PIEZO1: variants seen among roughly 807,000 people sequenced by gnomAD.
PIEZO1 encodes the protein piezo-type mechanosensitive ion channel component 1.
In PIEZO1, 296 loss-of-function variants were observed where a neutral mutation model predicts 297.2. That is an observed-to-expected ratio of 1.00 (90% CI 0.91 to 1.10). The LOEUF is 1.10. PIEZO1 is among the 50% of genes least tolerant of loss of function. PIEZO1 has a pLI of 0.00. For missense variants in PIEZO1, 5,018 were observed against 3,455.5 expected (o/e 1.45, Z -11.34); for synonymous variants, 2,427 against 1,507.5 (o/e 1.61, Z -14.13).
intron 1 of PIEZO1, among the ~76,000 whole-genome samples, chr16:88,765,043 G>A (rs1907108886): frequency 6.6e-6 from 1 of 152,232 alleles, no homozygotes; most frequent in Non-Finnish European, 1.5e-5. Flanking sequence ...CCTCAGCGGT[G>A]CTGGACCCAG....
Position 88,716,266 on chromosome 16 carries a change from T to C in PIEZO1, c.7061A>G (p.Asn2354Ser), listed in dbSNP as rs1432534726. ...GGCACGGATGTACTTGGGGAAGAGA[T>C]TAGGGATGACCCTGCAGGGAGGTGC... ...GTSDQSVVIP[N>S]LFPKYIRAPN... Residue 2354 changes from asparagine (N) to serine (S), a missense_variant, in exon 49 of 51, where the codon AAT becomes AGT. By Grantham distance (46) the Asn-to-Ser change is conservative. Transcript: ENST00000301015. The C allele has an allele frequency of 2.2e-5, 33 of 1,492,170 alleles. No individual in the cohort carries two copies. The highest frequency in any genetic ancestry group is 1.8e-4 in the Middle Eastern group (1 of 5,700). 92.4% of individuals were successfully genotyped at this position (1,492,170 alleles called of 1,614,324 possible).
intron 21 of PIEZO1, 42 bp from the exon 22 acceptor site, chr16:88,731,952 T>TGG (rs746719928): frequency 6.5e-6 from 2 of 308,636 alleles, no homozygotes; most frequent in African/African-American, 2.3e-5. Flanking sequence ...GCACTGAGTC[T>TGG]GGGGGGAGGG....
Position 88,738,575 on chromosome 16 carries a change from T to A in PIEZO1, c.627A>T (p.Ala209=), listed in dbSNP as rs140142474. ...AGRVLAVTLL[A]LAGIAHPSAL... Reference sequence around the variant, plus strand: ...CCCTGCCTCGGTGCGTACCTGCCAGTGCAAGCAGTGTTACGGCCAGGACCC... The same window carrying A: ...CCCTGCCTCGGTGCGTACCTGCCAGAGCAAGCAGTGTTACGGCCAGGACCC... Residue 209 remains alanine, a synonymous_variant, in exon 6 of 51, where the codon GCA becomes GCT. Transcript: ENST00000301015. 1.3e-6 allele frequency: 2 copies of A among 1,535,128 alleles called. No homozygotes were observed. Among genetic ancestry groups the A allele is most frequent in the Admixed American group, 3.9e-5 (2 of 50,976 alleles).
chr16:88,759,165 C>T (rs1398503103), intron 1 of PIEZO1, among the ~76,000 whole-genome samples: 1 of 152,258 alleles, frequency 6.6e-6, no homozygotes, highest in East Asian at 1.9e-4. Flanking sequence ...GTCCAACCTT[C>T]CTCTCATCAA....
chr16:88,720,032 G>T, intron 42 of PIEZO1, 37 bp downstream of exon 42: 1 of 1,549,032 alleles, frequency 6.5e-7, no homozygotes, highest in Non-Finnish European at 8.7e-7. Context: ...GCACTGCCCC[G>T]CCCCTGGAGA....
intron 21 of PIEZO1, 47 bp from the exon 22 acceptor site, chr16:88,731,957 G>GAGGGCGGGGTGT (rs151293846): frequency 1.3e-4 from 13 of 98,632 alleles, no homozygotes; most frequent in African/African-American, 1.8e-4. Context: ...GAGTCTGGGG[G>GAGGGCGGGGTGT]GAGGGACTTT....
At position 88,731,749 on chromosome 16, in the gene PIEZO1, G is replaced by C. The variant is rs1434132113; in HGVS notation, c.3153C>G (p.Tyr1051Ter). Residue 1051 changes from tyrosine (Y) to a stop codon, truncating the protein, a stop_gained, in exon 22 of 51, where the codon TAC (tyrosine) becomes TAG (stop). Coordinates refer to ENST00000301015, the MANE Select transcript of PIEZO1 (RefSeq NM_001142864.4). LOFTEE classifies it high-confidence loss of function. Reference sequence around the variant, plus strand: ...GCATCCCCAGGCACAGCAGGTACTGGTACAGCAGGAACAGCGCCAGGAAGA... The same window carrying C: ...GCATCCCCAGGCACAGCAGGTACTGCTACAGCAGGAACAGCGCCAGGAAGA... ...YCLFLALFLL[Y>*]QYLLCLGMPP... The C allele has an allele frequency of 6.5e-7, 1 of 1,549,706 alleles. No individual in the cohort carries two copies. The highest frequency in any genetic ancestry group is 8.7e-7 in the Non-Finnish European group (1 of 1,146,826).
At chr16:88,779,229 G>A (rs1023610223) in intron 1 of PIEZO1, among the ~76,000 whole-genome samples, 4 of 152,044 alleles carry the variant, frequency 2.6e-5, no homozygotes, top group Non-Finnish European at 5.9e-5. Context: ...AGCTGAGATG[G>A]AGTTTTGCCA....
intron 2 of PIEZO1, chr16:88,743,313 G>A (rs747633758): frequency 1.5e-5 from 7 of 455,956 alleles, no homozygotes; most frequent in South Asian, 6.2e-5. Context: ...TTGACCCACC[G>A]GGTTCTGAGT....
chr16:88,774,692 G>T (rs188577377), intron 1 of PIEZO1, among the ~76,000 whole-genome samples: 2 of 152,340 alleles, frequency 1.3e-5, no homozygotes, highest in East Asian at 3.9e-4. Context: ...TGGGGCCCAA[G>T]GGCAAAGAGA....
rs1357195620 is a variant in PIEZO1, at chr16:88,734,421, G to A, written c.2115C>T (p.Phe705=). The A allele has an allele frequency of 6.5e-7, 1 of 1,549,922 alleles. No individual in the cohort carries two copies. The highest frequency in any genetic ancestry group is 8.7e-7 in the Non-Finnish European group (1 of 1,146,676). The change falls in exon 16 of 51, where the codon TTC becomes TTT. Residue 705 remains phenylalanine (F), a synonymous_variant. Coordinates refer to ENST00000301015, the MANE Select transcript of PIEZO1 (RefSeq NM_001142864.4). ...CGTGCTCCATGTCGGTGAGCTGCAT[G>A]AAGGGCCTGTGGAAGTAGTGCAGCT... ...ILQLHYFHRP[F]MQLTDMEHVS...
chr16:88,725,409 C>T lies in PIEZO1; in HGVS notation c.4162+7G>A, dbSNP rs1238307987. 4.9e-6 allele frequency: 7 copies of T among 1,428,694 alleles called. No individual in the cohort carries two copies. Among genetic ancestry groups the T allele is most frequent in the Non-Finnish European group, 5.5e-6 (6 of 1,083,494 alleles). 88.5% of individuals were successfully genotyped at this position (1,428,694 alleles called of 1,614,324 possible). A position where few individuals can be genotyped will look rare whatever the true frequency, so the allele number is the denominator to read the frequency against. ...GGCCCTGGGTGCCCGACTCCAGCTG[C>T]ACTCACCTGGCTCCAGGCCGGGGTC... On this transcript the variant is annotated splice_region_variant and intron_variant, in intron 29 of 50. Coordinates refer to ENST00000301015, the MANE Select transcript of PIEZO1 (RefSeq NM_001142864.4).
intron 8 of PIEZO1, 34 bp downstream of exon 8, chr16:88,737,900 C>A (rs1315395572): frequency 1.5e-5 from 23 of 1,531,640 alleles, no homozygotes; most frequent in Non-Finnish European, 2.0e-5. Flanking sequence ...ATGGCCTGGC[C>A]TCAGCCCACC....
chr16:88,731,384 G>C (rs78752125), intron 22 of PIEZO1: 1 of 335,050 alleles, frequency 3.0e-6, no homozygotes, highest in Non-Finnish European at 5.6e-6. Flanking sequence ...GAGGCATCAC[G>C]GCCGACCCGC....
intron 18 of PIEZO1, 54 bp downstream of exon 18, chr16:88,733,534 C>T (rs1323327453): frequency 6.6e-7 from 1 of 1,526,260 alleles, no homozygotes; most frequent in Non-Finnish European, 8.8e-7. Context: ...GCCAGCTGGG[C>T]AGGCCAGAGC....
At chr16:88,732,290 G>GT (rs1904906133) in intron 21 of PIEZO1, 45 bp downstream of exon 21, 2 of 1,504,776 alleles carry the variant, frequency 1.3e-6, no homozygotes, top group Non-Finnish European at 1.8e-6. Flanking sequence ...CCTCCCTCCC[G>GT]AAGGCCAAGC....
chr16:88,753,872 C>T (rs945880255), intron 1 of PIEZO1, among the ~76,000 whole-genome samples: 3 of 152,174 alleles, frequency 2.0e-5, no homozygotes, highest in Non-Finnish European at 4.4e-5. Flanking sequence ...TCGGAAGCTT[C>T]GCAGATCAGG....
intron 1 of PIEZO1, among the ~76,000 whole-genome samples, chr16:88,781,942 G>A (rs966837941): frequency 6.6e-6 from 1 of 152,114 alleles, no homozygotes; most frequent in African/African-American, 2.4e-5. Flanking sequence ...GCTGTGCCAC[G>A]AGGCACCCTG....
chr16:88,721,496 G>A lies in PIEZO1; in HGVS notation c.5403+42C>T, dbSNP rs1181097623. 1.9e-6 allele frequency: 3 copies of A among 1,539,526 alleles called. No individual in the cohort carries two copies. In the Admixed American group the frequency reaches 6.0e-5, roughly 31 times the overall value. On this transcript the variant is annotated intron_variant, in intron 38 of 50. Transcript: ENST00000301015. ...TGGTGGAGAGCACAGGTGCCCAGAG[G>A]GCCTGCCCAGCCCCGCATTGCCAGC...
Sources: gnomAD v4.1 joint callset for allele counts (sites outside exome capture counted in the v4.1 genomes callset) on GRCh38, gnomAD v4.1.1 for gene constraint, MANE v1.5 for transcripts, NCBI Gene and HGNC (gene_info 2026-07-23, HGNC 2026-07-21) for gene names.